PDE2A: variants seen among roughly 807,000 people sequenced by gnomAD.
PDE2A encodes cGMP-dependent 3',5'-cyclic phosphodiesterase.
Under a neutral mutation model 133.6 loss-of-function variants are expected in PDE2A, and 53 were observed. That is an observed-to-expected ratio of 0.40 (90% confidence interval 0.32 to 0.50). The LOEUF is 0.50. Ranked by LOEUF, PDE2A falls within the 20% of genes least tolerant of loss-of-function variation. The pLI is 0.73. For synonymous variants in PDE2A, 491 were observed against 490.2 expected, an observed-to-expected ratio of 1.00 and a Z score of -0.02; for missense variants, 796 against 1,232.4, an observed-to-expected ratio of 0.65 and a Z score of 5.30.
Position 72,590,258 on chromosome 11 carries a change from G to A in PDE2A, c.704-14C>T, listed in dbSNP as rs1192042956. ...CGTAGAGTTCCCCTGCAAGGGCCAG[G>A]CGCCGGTCAGAGAGAGGGCCCCTCC... On this transcript the variant is annotated splice_polypyrimidine_tract_variant and intron_variant, in intron 8 of 30. Coordinates refer to ENST00000334456, the MANE Select transcript of PDE2A (RefSeq NM_002599.5). The surrounding 1 kb of genome is among the most constrained non-coding windows in gnomAD (Gnocchi z 4.8). 8 of 1,551,184 alleles carry A rather than the reference G, an allele frequency of 5.2e-6. No individual in the cohort carries two copies. In the African/African-American group the frequency reaches 1.1e-4, roughly 21 times the overall value.
intron 4 of PDE2A, chr11:72,599,035 G>A (rs1232651671): frequency 1.0e-6 from 1 of 985,250 alleles, no homozygotes; most frequent in African/African-American, 1.7e-5. Context: ...ACGGAGGCAG[G>A]GGGTGACCCC....
chr11:72,635,194 C>T (rs1858619848), intron 2 of PDE2A, among the ~76,000 whole-genome samples: 1 of 152,168 alleles, frequency 6.6e-6, no homozygotes, highest in South Asian at 2.1e-4. Flanking sequence ...GTACACACAC[C>T]AGTTCTGTTG....
At chr11:72,582,091 A>C (rs1855749366) in intron 21 of PDE2A, 144 bp from the exon 22 acceptor site, 4 of 686,880 alleles carry the variant, frequency 5.8e-6, no homozygotes, top group African/African-American at 1.8e-5. Flanking sequence ...TAGTTGAAGC[A>C]ACCGTTCTCG....
At chr11:72,641,624 C>T (rs1858956154) in intron 2 of PDE2A, among the ~76,000 whole-genome samples, 3 of 152,054 alleles carry the variant, frequency 2.0e-5, no homozygotes, top group African/African-American at 7.2e-5. Flanking sequence ...GGGCCCCCCA[C>T]GAGGAAAGAC....
At chr11:72,653,495 G>A (rs763808172) in intron 1 of PDE2A, among the ~76,000 whole-genome samples, 21 of 152,156 alleles carry the variant, frequency 1.4e-4, no homozygotes, top group Non-Finnish European at 2.4e-4. Flanking sequence ...GGAGGGAGAG[G>A]GTGTGCCAGG....
Position 72,590,409 on chromosome 11 carries a change from T to C in PDE2A, c.703+18A>G. On this transcript the variant is annotated intron_variant, in intron 8 of 30. Coordinates refer to ENST00000334456, the MANE Select transcript of PDE2A (RefSeq NM_002599.5). The surrounding 1 kb of genome is among the most constrained non-coding windows in gnomAD (Gnocchi z 4.8). Reference sequence around the variant, plus strand: ...TGCCCGGCCCCGCCCTCGTGACCTGTCCAGGCCGGGCCCTCACCGCACAGT... The same window carrying C: ...TGCCCGGCCCCGCCCTCGTGACCTGCCCAGGCCGGGCCCTCACCGCACAGT... 1 of 1,578,688 alleles carries C rather than the reference T, an allele frequency of 6.3e-7. No individual in the cohort carries two copies. Among genetic ancestry groups the C allele is most frequent in the African/African-American group, 1.4e-5 (1 of 73,976 alleles).
intron 1 of PDE2A, 127 bp from the exon 2 acceptor site, chr11:72,642,453 G>T (rs1478562505): frequency 1.8e-6 from 2 of 1,085,628 alleles, no homozygotes; most frequent in African/African-American, 1.7e-5. Flanking sequence ...CGCCTGGTCC[G>T]CCCGAGTGTC....
rs753028890 is a variant in PDE2A at position 72,598,537 on chromosome 11, A to G, written c.324-918T>C. The G allele has an allele frequency of 1.0e-5, 13 of 1,289,132 alleles. No homozygotes were observed. In the South Asian group the frequency reaches 1.5e-4, roughly 15 times the overall value. 79.9% of individuals were successfully genotyped at this position (1,289,132 alleles called of 1,614,324 possible). The stretch of plus-strand genomic sequence containing the variant: ...AGTTTGCACCAAATGTCACTCCTTG[A>G]TGATTAATTGTCCTGGGTTCTTCAT... On this transcript the variant is annotated intron_variant, in intron 4 of 30. Transcript: ENST00000334456.
chr11:72,578,089 G>T lies in PDE2A; in HGVS notation c.2615+144C>A. Reference sequence around the variant, plus strand: ...TGAAGGACCCACTGAGGGGCACAGCGGGAGACAGTTATGCCCAGAGGCAAG... The same window carrying T: ...TGAAGGACCCACTGAGGGGCACAGCTGGAGACAGTTATGCCCAGAGGCAAG... On this transcript the variant is annotated intron_variant, in intron 30 of 30. Transcript: ENST00000334456. The surrounding 1 kb of genome is among the most constrained non-coding windows in gnomAD (Gnocchi z 4.2). 1.5e-6 allele frequency: 1 copy of T among 660,082 alleles called. No individual in the cohort carries two copies. Among genetic ancestry groups the T allele is most frequent in the Non-Finnish European group, 2.7e-6 (1 of 364,130 alleles). The allele number at this position is 660,082 out of a possible 1,614,324, so 40.9% of individuals were successfully genotyped here.
intron 23 of PDE2A, 31 bp from the exon 24 acceptor site, chr11:72,581,004 G>A (rs572553617): frequency 2.3e-5 from 34 of 1,465,864 alleles, no homozygotes; most frequent in Non-Finnish European, 3.1e-5. Context: ...AGAAAAAAAA[G>A]AGGTCAGCCC....
chr11:72,609,523 G>A (rs764390695), intron 2 of PDE2A, among the ~76,000 whole-genome samples: 12 of 152,184 alleles, frequency 7.9e-5, no homozygotes, highest in Non-Finnish European at 1.6e-4. Context: ...AGAAGGAGAC[G>A]TCAGCCTTGA....
At chr11:72,589,291 G>T in intron 11 of PDE2A, 51 bp from the exon 12 acceptor site, 2 of 1,395,776 alleles carry the variant, frequency 1.4e-6, no homozygotes, top group South Asian at 1.2e-5. Context: ...CCAGGTCAGG[G>T]GATCTCAACC....
chr11:72,631,187 C>T (rs1397924537), intron 2 of PDE2A: 9 of 1,452,554 alleles, frequency 6.2e-6, no homozygotes, highest in South Asian at 4.0e-5. Flanking sequence ...GGCCTTCTCC[C>T]CTTCTCCCCA....
Position 72,597,083 on chromosome 11 carries a change from G to C in PDE2A, c.433+427C>G, listed in dbSNP as rs1856523646. ...GAGACTGAGACACGAGGCAGAGAGG[G>C]ACATGGCGGACAGGAGGCATGGAGG... is the stretch of plus-strand genomic sequence containing the variant. On this transcript the variant is annotated intron_variant, in intron 5 of 30. Coordinates refer to ENST00000334456, the MANE Select transcript of PDE2A (RefSeq NM_002599.5). The surrounding 1 kb of genome is among the most constrained non-coding windows in gnomAD (Gnocchi z 4.6). 6.6e-6 allele frequency among the ~76,000 whole-genome samples: 1 copy of C among 152,112 alleles called. No homozygotes were observed. Among genetic ancestry groups the C allele is most frequent in the East Asian group, 1.9e-4 (1 of 5,180 alleles).
At chr11:72,633,674 G>A (rs950585602) in intron 2 of PDE2A, among the ~76,000 whole-genome samples, 32 of 152,300 alleles carry the variant, frequency 2.1e-4, no homozygotes, top group East Asian at 3.9e-4. Flanking sequence ...CTGGAGGCCT[G>A]AGCTCTAGTC....
At chr11:72,666,827 C>T (rs1049671198) in intron 1 of PDE2A, among the ~76,000 whole-genome samples, 2 of 152,210 alleles carry the variant, frequency 1.3e-5, no homozygotes, top group Non-Finnish European at 2.9e-5. Flanking sequence ...CAGTCACAGC[C>T]GGGTGCAGTG....
At chr11:72,636,595 T>C (rs1010067277) in intron 2 of PDE2A, among the ~76,000 whole-genome samples, 3 of 152,114 alleles carry the variant, frequency 2.0e-5, no homozygotes, top group Non-Finnish European at 2.9e-5. Flanking sequence ...CACTAACCCC[T>C]GTCTTCCCTC....
chr11:72,673,167 T>C (rs1177458451), intron 1 of PDE2A, among the ~76,000 whole-genome samples: 1 of 151,906 alleles, frequency 6.6e-6, no homozygotes, highest in African/African-American at 2.4e-5. Flanking sequence ...TGCACACTGA[T>C]TCACTCTATT....
chr11:72,636,516 G>C (rs1858703167), intron 2 of PDE2A, among the ~76,000 whole-genome samples: 1 of 152,148 alleles, frequency 6.6e-6, no homozygotes, highest in South Asian at 2.1e-4. Context: ...CAAAGCTCAT[G>C]ATCTCCTCTG....
Sources: gnomAD v4.1 joint callset for allele counts (sites outside exome capture counted in the v4.1 genomes callset) on GRCh38, gnomAD v4.1.1 for gene constraint, Gnocchi (gnomAD v3.1) non-coding constraint, MANE v1.5 for transcripts, NCBI Gene and HGNC (gene_info 2026-07-23, HGNC 2026-07-21) for gene names.